The following NUP93 variants were observed in gnomAD, a reference collection of about 807,000 sequenced individuals.
NUP93 encodes the protein nucleoporin 93.
In NUP93, 55 loss-of-function variants were observed where a neutral mutation model predicts 107.8. That is an observed-to-expected ratio of 0.51 (90% CI 0.41 to 0.64). The LOEUF is 0.64. NUP93 is among the 30% of genes least tolerant of loss of function. The probability of loss-of-function intolerance (pLI) is 0.00; values close to 1 mark genes in which losing one functional copy is unlikely to be tolerated. For synonymous variants in NUP93, 390 were observed against 397.5 expected, an observed-to-expected ratio of 0.98 and a Z score of 0.22; for missense variants, 937 against 1,044.7, an observed-to-expected ratio of 0.90 and a Z score of 1.42.
intron 3 of NUP93, among the ~76,000 whole-genome samples, chr16:56,765,650 C>A (rs1274263935): frequency 6.6e-6 from 1 of 152,192 alleles, no homozygotes; most frequent in Non-Finnish European, 1.5e-5. Flanking sequence ...CAAGCTTTGT[C>A]CCCTATATGA....
intron 4 of NUP93, among the ~76,000 whole-genome samples, chr16:56,801,610 AC>A (rs1253404495): frequency 1.3e-5 from 2 of 152,086 alleles, no homozygotes; most frequent in Non-Finnish European, 2.9e-5. Flanking sequence ...ATGGGGTTTC[AC>A]CATGTTGGCC....
intron 1 of NUP93, among the ~76,000 whole-genome samples, chr16:56,746,949 A>C (rs1390559691): frequency 6.6e-6 from 1 of 152,186 alleles, no homozygotes; most frequent in East Asian, 1.9e-4. Context: ...CTATTGTACA[A>C]GTAATTTTTT....
In NUP93 at chr16:56,830,640, A is replaced by C. The variant is rs777747972; in HGVS notation, c.1040A>C (p.Glu347Ala). 6.2e-7 allele frequency: 1 copy of C among 1,606,874 alleles called. No individual in the cohort carries two copies. The highest frequency in any genetic ancestry group is 8.5e-7 in the Non-Finnish European group (1 of 1,174,212). ...VVNRAQHQLG[E>A]FKTWFQEYMN... is the part of the protein sequence containing the mutation. The stretch of plus-strand genomic sequence containing the variant: ...AATCGAGCCCAGCACCAGCTGGGAG[A>C]GTTTAAAACCTGGTTCCAGGAGTAC... The change falls in exon 10 of 22, where the codon GAG (glutamate) becomes GCG (alanine). Residue 347 changes from glutamate (E) to alanine (A), a missense_variant. Physicochemically the swap from Glu to Ala is moderately radical, Grantham distance 107. Transcript: ENST00000308159.
intron 3 of NUP93, among the ~76,000 whole-genome samples, chr16:56,793,107 C>T (rs1379650009): frequency 6.6e-6 from 1 of 152,066 alleles, no homozygotes; most frequent in Non-Finnish European, 1.5e-5. Flanking sequence ...AGTGTCTGGC[C>T]CTTAATTGCT....
chr16:56,798,577 G>A, intron 4 of NUP93, 39 bp downstream of exon 4: 7 of 1,530,008 alleles, frequency 4.6e-6, no homozygotes, highest in Non-Finnish European at 6.3e-6. Flanking sequence ...ATACAGATGA[G>A]GGCAAGAGGG....
At chr16:56,773,383 A>G (rs1295770780) in intron 3 of NUP93, among the ~76,000 whole-genome samples, 1 of 152,246 alleles carries the variant, frequency 6.6e-6, no homozygotes, top group Non-Finnish European at 1.5e-5. Flanking sequence ...TGGAGCAACA[A>G]ACGCATTGCA....
intron 13 of NUP93, 64 bp from the exon 14 acceptor site, chr16:56,834,063 GT>G: frequency 6.3e-7 from 1 of 1,598,196 alleles, no homozygotes; most frequent in South Asian, 1.1e-5. Context: ...AGCTTCCATA[GT>G]TTCTGGGTTG....
chr16:56,794,866 T>TGCA (rs1241687903), intron 3 of NUP93, among the ~76,000 whole-genome samples: 1 of 131,132 alleles, frequency 7.6e-6, no homozygotes, highest in Non-Finnish European at 1.5e-5. Context: ...AGGTGGAGCT[T>TGCA]GCAGTGAGCC....
intron 1 of NUP93, among the ~76,000 whole-genome samples, chr16:56,739,295 G>A (rs1475722662): frequency 1.1e-5 from 1 of 90,118 alleles, no homozygotes; most frequent in Non-Finnish European, 2.3e-5. Flanking sequence ...GGGGCGGCCG[G>A]GCAGAGGCGC....
chr16:56,829,948 A>G (rs1408258986), intron 9 of NUP93, among the ~76,000 whole-genome samples: 2 of 152,254 alleles, frequency 1.3e-5, no homozygotes, highest in African/African-American at 4.8e-5. Context: ...GCGTAAGCGC[A>G]GGCCGCTGTG....
chr16:56,808,501 AATATATAGTTATGTAACTATATAT>A (rs1963220371), intron 5 of NUP93, among the ~76,000 whole-genome samples: 1 of 112,728 alleles, frequency 8.9e-6, no homozygotes, highest in Non-Finnish European at 1.7e-5. Flanking sequence ...TAACTATATA[AATATATAGTTATGTAACTATATAT>A]AAATATAGTT....
intron 3 of NUP93, among the ~76,000 whole-genome samples, chr16:56,766,084 C>T (rs1962211240): frequency 6.6e-6 from 1 of 152,174 alleles, no homozygotes; most frequent in Admixed American, 6.5e-5. Context: ...TTCACACTTA[C>T]TCCTGAATGC....
intron 6 of NUP93, among the ~76,000 whole-genome samples, chr16:56,820,221 T>G (rs1339324457): frequency 1.4e-4 from 22 of 152,220 alleles, no homozygotes; most frequent in African/African-American, 5.1e-4. Context: ...TTATATCCCA[T>G]GTTGAACAGT....
intron 16 of NUP93, among the ~76,000 whole-genome samples, chr16:56,835,340 T>C (rs897025704): frequency 2.6e-5 from 4 of 152,192 alleles, no homozygotes; most frequent in Admixed American, 2.0e-4. Flanking sequence ...CCTTGGAAAG[T>C]CACTTGTCCC....
At chr16:56,828,799 GC>G (rs140239576) in intron 8 of NUP93, among the ~76,000 whole-genome samples, 177 bp from the exon 9 acceptor site, 201 of 152,290 alleles carry the variant, frequency 1.3e-3, no homozygotes, top group African/African-American at 4.6e-3. Flanking sequence ...GTGATCCACA[GC>G]CCACTGAGTA....
chr16:56,787,515 C>G (rs1962655009), intron 3 of NUP93, among the ~76,000 whole-genome samples: 1 of 152,214 alleles, frequency 6.6e-6, no homozygotes, highest in Admixed American at 6.5e-5. Flanking sequence ...GACTGCGAGA[C>G]ACACCCTCTG....
intron 5 of NUP93, among the ~76,000 whole-genome samples, chr16:56,807,578 C>T (rs761712832): frequency 2.0e-4 from 30 of 152,098 alleles, no homozygotes; most frequent in South Asian, 4.2e-4. Flanking sequence ...TAGCTAACTT[C>T]GTACTAACTG....
chr16:56,747,091 C>G (rs1356418929), intron 1 of NUP93, among the ~76,000 whole-genome samples: 1 of 151,966 alleles, frequency 6.6e-6, no homozygotes, highest in African/African-American at 2.4e-5. Context: ...TTCCGCCCCC[C>G]AGGTTCAAGT....
chr16:56,763,886 G>C (rs1424551102), intron 3 of NUP93, among the ~76,000 whole-genome samples: 1 of 152,100 alleles, frequency 6.6e-6, no homozygotes, highest in African/African-American at 2.4e-5. Context: ...TGTTCTGAAG[G>C]TCTTCATAAT....
Sources: gnomAD v4.1 joint callset for allele counts (sites outside exome capture counted in the v4.1 genomes callset) on GRCh38, gnomAD v4.1.1 for gene constraint, MANE v1.5 for transcripts, NCBI Gene and HGNC (gene_info 2026-07-23, HGNC 2026-07-21) for gene names.